Variants in WDFY3 observed in about 807,000 individuals in gnomAD.
The protein encoded by WDFY3 is WD repeat and FYVE domain containing 3.
A neutral mutation model predicts 409.6 loss-of-function variants in WDFY3; 66 were observed. That is an observed-to-expected ratio of 0.16 (90% CI 0.13 to 0.20). The LOEUF (loss-of-function observed/expected upper bound fraction) is 0.20, where lower values mean the gene tolerates loss of function less well. Ranked by LOEUF, WDFY3 falls within the 10% of genes least tolerant of loss-of-function variation. The pLI, the probability that WDFY3 is intolerant of heterozygous loss-of-function variation, is 1.00. For synonymous variants in WDFY3, 1,521 were observed against 1,537.1 expected (o/e 0.99, Z 0.25); for missense variants, 3,031 against 4,298.1 (o/e 0.71, Z 8.24).
chr4:84,956,949 C>CA (rs1301876426), intron 1 of WDFY3, among the ~76,000 whole-genome samples: 2 of 147,802 alleles, frequency 1.4e-5, no homozygotes, highest in African/African-American at 5.0e-5. Context: ...TATACTAATA[C>CA]ATGAATAGAA....
chr4:84,725,527 C>G (rs1347725692), intron 45 of WDFY3, among the ~76,000 whole-genome samples: 1 of 152,086 alleles, frequency 6.6e-6, no homozygotes, highest in Non-Finnish European at 1.5e-5. Context: ...AAATATCAGA[C>G]AGAGGGAAAA....
At chr4:84,775,380 A>C (rs1745376482) in intron 27 of WDFY3, among the ~76,000 whole-genome samples, 1 of 152,072 alleles carries the variant, frequency 6.6e-6, no homozygotes, top group South Asian at 2.1e-4. Flanking sequence ...ATGCTAAAGA[A>C]TGTATTGAAA....
chr4:84,787,483 T>C lies in WDFY3; in HGVS notation c.3900A>G (p.Pro1300=), dbSNP rs1388712795. The C allele has an allele frequency of 6.2e-7, 1 of 1,611,418 alleles. No homozygotes were observed. Among genetic ancestry groups the C allele is most frequent in the Admixed American group, 1.7e-5 (1 of 59,950 alleles). ...AAGAACTAAAAATAAGTTACTCACA[T>C]GGCATACATACAGCCTGAAAGCTTC... ...YVGSFQAVCM[P]CKDAKSEGVV... The change falls in exon 23 of 68, where the codon CCA becomes CCG. Residue 1300 remains proline, a splice_region_variant and synonymous_variant. Transcript: ENST00000295888.
chr4:84,811,848 C>A (rs1263995493), intron 13 of WDFY3, among the ~76,000 whole-genome samples: 1 of 152,150 alleles, frequency 6.6e-6, no homozygotes, highest in Non-Finnish European at 1.5e-5. Context: ...AATATTTGCA[C>A]ATATACAGTA....
chr4:84,754,720 A>C lies in WDFY3; in HGVS notation c.5559+546T>G, dbSNP rs979484041. Among the ~76,000 whole-genome samples, 5 of 152,200 alleles carry C rather than the reference A, an allele frequency of 3.3e-5. No individual in the cohort carries two copies. In the East Asian group the frequency reaches 9.6e-4, roughly 29 times the overall value. The stretch of plus-strand genomic sequence containing the variant: ...AGAGCAGAACAAAAGCAAAAACAAA[A>C]TCAAATGAAACTTGTATTGTTAACA... On this transcript the variant is annotated intron_variant, in intron 34 of 67. Coordinates refer to ENST00000295888, the MANE Select transcript of WDFY3 (RefSeq NM_014991.6).
rs1425236927 is a variant in WDFY3 at position 84,736,398 on chromosome 4, T to C, written c.6758-71A>G. 14 of 1,427,716 alleles carry C rather than the reference T, an allele frequency of 9.8e-6. No individual in the cohort carries two copies. The Admixed American group carries it at 3.6e-4, about 37-fold the overall frequency. The allele number at this position is 1,427,716 out of a possible 1,614,324, so 88.4% of individuals were successfully genotyped here. A position where few individuals can be genotyped will look rare whatever the true frequency, so the allele number is the denominator to read the frequency against. On this transcript the variant is annotated intron_variant, in intron 41 of 67. Transcript: ENST00000295888. ...TTATGAGTCTTACTTTAAAAACTTA[T>C]CTGGTTATAAACTACAACCCTGTAG...
chr4:84,807,151 A>AT (rs1282207599), intron 15 of WDFY3, among the ~76,000 whole-genome samples: 1 of 152,118 alleles, frequency 6.6e-6, no homozygotes, highest in Non-Finnish European at 1.5e-5. Flanking sequence ...AAACACACAC[A>AT]TTTTTTACCT....
Position 84,695,974 on chromosome 4 carries a change from T to C in WDFY3, c.8897A>G (p.Lys2966Arg). 6.2e-7 allele frequency: 1 copy of C among 1,614,028 alleles called. No homozygotes were observed. Among genetic ancestry groups the C allele is most frequent in the South Asian group, 1.1e-5 (1 of 91,070 alleles). The change falls in exon 58 of 68, where the codon AAA (lysine) becomes AGA (arginine). Residue 2966 changes from lysine to arginine, a missense_variant. This residue lies in a region of WDFY3 where 129 missense variants were observed against 305.3 expected (regional missense o/e 0.42). Coordinates refer to ENST00000295888, the MANE Select transcript of WDFY3 (RefSeq NM_014991.6). ...GFINNFGQIP[K>R]QLFKKPHPPK... ...ACAAGAAAAAAACATCCATACCTGT[T>C]TAGGGATCTGACCGAAGTTATTAAT... is the stretch of plus-strand genomic sequence containing the variant.
At chr4:84,795,625 G>A (rs570194336) in intron 19 of WDFY3, among the ~76,000 whole-genome samples, 93 of 152,120 alleles carry the variant, frequency 6.1e-4, no homozygotes, top group Non-Finnish European at 1.2e-3. Flanking sequence ...AGCCAGGCGC[G>A]GTGGCGTGCG....
intron 62 of WDFY3, among the ~76,000 whole-genome samples, chr4:84,684,742 A>G (rs1401004925): frequency 6.6e-6 from 1 of 152,230 alleles, no homozygotes; most frequent in African/African-American, 2.4e-5. Context: ...GTAAAAACCA[A>G]GACTCCCTGA....
intron 1 of WDFY3, among the ~76,000 whole-genome samples, chr4:84,934,983 T>A (rs140801705): frequency 9.6e-4 from 146 of 152,296 alleles, no homozygotes; most frequent in African/African-American, 3.3e-3. Context: ...TCCTGTCTTG[T>A]AGGATTTGGT....
chr4:84,705,641 A>C (rs982270993), intron 53 of WDFY3, 130 bp from the exon 54 acceptor site: 1 of 726,030 alleles, frequency 1.4e-6, no homozygotes, highest in African/African-American at 1.8e-5. Context: ...AAACTGGTAT[A>C]ACTGGACTCC....
At position 84,755,270 on chromosome 4, in the gene WDFY3, G is replaced by T; in HGVS notation, c.5555C>A (p.Thr1852Asn). The T allele has an allele frequency of 6.2e-7, 1 of 1,612,652 alleles. No individual in the cohort carries two copies. Among genetic ancestry groups the T allele is most frequent in the Non-Finnish European group, 8.5e-7 (1 of 1,179,578 alleles). Residue 1852 changes from threonine (T) to asparagine (N), a missense_variant, in exon 34 of 68, where the codon ACT (threonine) becomes AAT (asparagine). Physicochemically the swap from Thr to Asn is moderately conservative, Grantham distance 65 (BLOSUM62 0). Transcript: ENST00000295888. The part of the protein sequence containing the change: ...LLLGMLRSML[T>N]SPWQSEEEGS... ...TGGGCATTTGAGTGAACTTACTGAA[G>T]TCAGCATGCTGCGGAGCATTCCCAA...
rs747252644 is a variant in WDFY3 at position 84,734,992 on chromosome 4, T to C, written c.6993+51A>G. On this transcript the variant is annotated intron_variant, in intron 43 of 67. Transcript: ENST00000295888. ...AGATACCAGGACAAACAGAGACCTT[T>C]CACATACAAAAAATGTAAAACAAAC... The C allele has an allele frequency of 1.5e-5, 22 of 1,494,284 alleles. No homozygotes were observed. In the Admixed American group the frequency reaches 1.5e-4, roughly 10 times the overall value. The allele number at this position is 1,494,284 out of a possible 1,614,324, so 92.6% of individuals were successfully genotyped here.
rs370952171 is a variant in WDFY3, at chr4:84,829,013, A to T, written c.947T>A (p.Leu316His). The change falls in exon 9 of 68, where the codon CTC becomes CAC. Residue 316 changes from leucine (L) to histidine (H), a missense_variant. By Grantham distance (99) the Leu-to-His change is moderately conservative (BLOSUM62 -3). Around this residue, in one of 16 missense-constraint regions of WDFY3, gnomAD observed 1,322 missense variants for 1,697.9 expected, o/e 0.78. Coordinates refer to ENST00000295888, the MANE Select transcript of WDFY3 (RefSeq NM_014991.6). The part of the protein sequence containing the change: ...IWQGYNFLCD[L>H]LLRLEQAKEA... Reference sequence around the variant, plus strand: ...AATTGAGCAGTCTTACCTAAGCAAGAGATCACAAAGAAAATTATATCCTTG... The same window carrying T: ...AATTGAGCAGTCTTACCTAAGCAAGTGATCACAAAGAAAATTATATCCTTG... The T allele has an allele frequency of 3.1e-6, 5 of 1,609,278 alleles. No individual in the cohort carries two copies. The highest frequency in any genetic ancestry group is 1.6e-4 in the Middle Eastern group (1 of 6,062).
intron 24 of WDFY3, among the ~76,000 whole-genome samples, chr4:84,784,671 C>T (rs1747146475): frequency 2.6e-5 from 4 of 151,406 alleles, no homozygotes; most frequent in Admixed American, 1.3e-4. Flanking sequence ...AACCCTGTCT[C>T]TAATAAAAAT....
intron 27 of WDFY3, among the ~76,000 whole-genome samples, chr4:84,776,584 TC>T (rs1401744521): frequency 2.0e-5 from 3 of 152,072 alleles, no homozygotes; most frequent in Admixed American, 2.0e-4. Context: ...GTTCCCATAA[TC>T]CCTTCTGTCT....
chr4:84,790,936 A>T (rs555969912), intron 21 of WDFY3, among the ~76,000 whole-genome samples: 2 of 152,224 alleles, frequency 1.3e-5, no homozygotes, highest in South Asian at 4.2e-4. Context: ...AATGGCTATT[A>T]TCAAAAAAAA....
rs1209585692 is a variant in WDFY3 at position 84,695,968 on chromosome 4, A to G, written c.8901+2T>C. On this transcript the variant is annotated splice_donor_variant, in intron 58 of 67. Coordinates refer to ENST00000295888, the MANE Select transcript of WDFY3 (RefSeq NM_014991.6). LOFTEE classifies it high-confidence loss of function. ...TCAATGACAAGAAAAAAACATCCAT[A>G]CCTGTTTAGGGATCTGACCGAAGTT... 1.2e-6 allele frequency: 2 copies of G among 1,613,430 alleles called. No homozygotes were observed. Among genetic ancestry groups the G allele is most frequent in the Non-Finnish European group, 1.7e-6 (2 of 1,179,634 alleles).
Sources: allele counts gnomAD v4.1 joint callset (sites outside exome capture counted in the v4.1 genomes callset), GRCh38; gene constraint gnomAD v4.1.1; regional missense constraint gnomAD v4.1.1; transcripts MANE v1.5; gene names NCBI Gene and HGNC (gene_info 2026-07-23, HGNC 2026-07-21).